The following LYPD8 variants were observed in gnomAD, a reference collection of about 807,000 sequenced individuals.
LYPD8 encodes LY6/PLAUR domain containing 8, also known as ly6/PLAUR domain-containing protein 8.
LYPD8 carries 8 observed loss-of-function variants against 1.7 expected under a neutral mutation model. The ratio of observed to expected loss-of-function variants is 4.58; its 90% confidence interval spans 2.69 to 8.27. LYPD8 has a LOEUF of 8.27. Among genes scored for constraint, LYPD8 ranks in the 30% most tolerant of loss-of-function variants. LYPD8 has a pLI of 0.00. For missense variants in LYPD8, 112 were observed against 102.3 expected, an observed-to-expected ratio of 1.09 and a Z score of -0.41; for synonymous variants, 50 against 43.6, an observed-to-expected ratio of 1.15 and a Z score of -0.58.
At position 248,744,082 on chromosome 1, in the gene LYPD8, T is replaced by G. The variant is rs187513164; in HGVS notation, c.475+1060A>C. On this transcript the variant is annotated intron_variant, in intron 6 of 6. Coordinates refer to ENST00000590317, the MANE Select transcript of LYPD8 (RefSeq NM_001085474.2). ...AAGTTCTTTGGGGTCCTCAATAATTTTTAAGACATAGAGTCTTAACAGAGG... is the reference window on the plus strand; with the variant it reads ...AAGTTCTTTGGGGTCCTCAATAATTGTTAAGACATAGAGTCTTAACAGAGG... Among the ~76,000 whole-genome samples the G allele has an allele frequency of 3.4e-4, 52 of 152,376 alleles. 1 individual carries two copies. The East Asian group carries it at 8.9e-3, about 26-fold the overall frequency.
intron 2 of LYPD8, among the ~76,000 whole-genome samples, chr1:248,753,568 CACACACCCCACACAACACACACA>C: frequency 3.8e-5 from 5 of 131,968 alleles, no homozygotes; most frequent in African/African-American, 1.2e-4. Flanking sequence ...ACACACACAA[CACACACCCCACACAACACACACA>C]ACACAACACA....
chr1:248,753,292 CCA>C (rs1193414869), intron 2 of LYPD8, among the ~76,000 whole-genome samples: 5 of 85,272 alleles, frequency 5.9e-5, no homozygotes, highest in South Asian at 4.1e-4. Context: ...CACACACACA[CCA>C]CACACACCAC....
At chr1:248,753,169 C>A (rs1275823223) in intron 2 of LYPD8, among the ~76,000 whole-genome samples, 2 of 125,204 alleles carry the variant, frequency 1.6e-5, no homozygotes, top group Non-Finnish European at 3.3e-5. Context: ...ACACCACACA[C>A]ACCACATCAC....
intron 2 of LYPD8, among the ~76,000 whole-genome samples, chr1:248,752,649 A>G (rs1372335334): frequency 3.3e-5 from 2 of 61,052 alleles, no homozygotes; most frequent in Non-Finnish European, 8.3e-5. Flanking sequence ...CACACAACAC[A>G]CAACACACAC....
chr1:248,740,360 G>A (rs577321596), intron 6 of LYPD8, among the ~76,000 whole-genome samples: 1 of 152,346 alleles, frequency 6.6e-6, no homozygotes, highest in Admixed American at 6.5e-5. Context: ...GGGCCACCAG[G>A]AGGCATATAA....
chr1:248,754,734 C>A (rs1219375135), intron 2 of LYPD8, among the ~76,000 whole-genome samples: 5 of 152,130 alleles, frequency 3.3e-5, no homozygotes, highest in Admixed American at 3.3e-4. Flanking sequence ...ATACATGATG[C>A]CAATGACCCC....
intron 6 of LYPD8, among the ~76,000 whole-genome samples, chr1:248,742,935 T>G (rs1465996098): frequency 1.8e-5 from 1 of 54,776 alleles, no homozygotes; most frequent in Non-Finnish European, 3.5e-5. Flanking sequence ...TATGCTCTGG[T>G]GGGGATGTTG....
Position 248,739,818 on chromosome 1 carries a change from G to A in LYPD8, c.507C>T (p.Gly169=). The A allele has an allele frequency of 6.4e-7, 1 of 1,551,762 alleles. No homozygotes were observed. The highest frequency in any genetic ancestry group is 8.7e-7 in the Non-Finnish European group (1 of 1,147,000). ...AGGTGGCGTTACTGACGTTGGAACA[G>A]CCTTTCAGCACGAGACTCTTAGACT... The part of the protein sequence containing the change: ...DIESKSLVLK[G]CSNVSNATCQ... Residue 169 remains glycine (G), a synonymous_variant, in exon 7 of 7, where the codon GGC becomes GGT. Transcript: ENST00000590317. The surrounding 1 kb of genome is among the most constrained non-coding windows in gnomAD (Gnocchi z 4.3).
intron 2 of LYPD8, among the ~76,000 whole-genome samples, chr1:248,754,125 C>A (rs961677031): frequency 2.4e-4 from 35 of 142,936 alleles, no homozygotes; most frequent in Non-Finnish European, 3.8e-4. Flanking sequence ...CACACATACA[C>A]CACACCACAC....
At chr1:248,753,958 A>T (rs1662883599) in intron 2 of LYPD8, among the ~76,000 whole-genome samples, 2 of 122,522 alleles carry the variant, frequency 1.6e-5, no homozygotes, top group Non-Finnish European at 3.5e-5. Context: ...CATGTCACAC[A>T]CATCACATGA....
chr1:248,753,186 A>T (rs1662852885), intron 2 of LYPD8, among the ~76,000 whole-genome samples: 1 of 82,156 alleles, frequency 1.2e-5, no homozygotes, highest in Non-Finnish European at 2.3e-5. Flanking sequence ...TCACACACAC[A>T]CACCACATCA....
chr1:248,745,876 C>T (rs1662720038), intron 5 of LYPD8, among the ~76,000 whole-genome samples: 1 of 152,194 alleles, frequency 6.6e-6, no homozygotes, highest in Non-Finnish European at 1.5e-5. Context: ...AGGTTCAAAC[C>T]ATACTCATGA....
chr1:248,754,268 C>T (rs1662889105), intron 2 of LYPD8, among the ~76,000 whole-genome samples: 1 of 151,202 alleles, frequency 6.6e-6, no homozygotes, highest in South Asian at 2.1e-4. Context: ...TCACACACAT[C>T]ACACACACAA....
intron 6 of LYPD8, among the ~76,000 whole-genome samples, chr1:248,740,473 CAT>C (rs1369897030): frequency 6.6e-6 from 1 of 152,244 alleles, no homozygotes; most frequent in Non-Finnish European, 1.5e-5. Context: ...GGACAAAAGA[CAT>C]AGTTACGATA....
At chr1:248,753,750 A>T (rs1662876961) in intron 2 of LYPD8, among the ~76,000 whole-genome samples, 1 of 146,100 alleles carries the variant, frequency 6.8e-6, no homozygotes, top group Non-Finnish European at 1.5e-5. Context: ...GCCCCCACAC[A>T]ACACATACAC....
In LYPD8 at chr1:248,739,546, C is replaced by T. The variant is rs1465622260; in HGVS notation, c.*65G>A. The stretch of plus-strand genomic sequence containing the variant: ...GCAGGGAAAGAGGGTGTCAGCACCG[C>T]AGGGGGTGCTCTGGACCTCAGAGAA... On this transcript the variant is annotated 3_prime_UTR_variant, in exon 7 of 7. Coordinates refer to ENST00000590317, the MANE Select transcript of LYPD8 (RefSeq NM_001085474.2). This position sits in a 1 kb window ranked among gnomAD's most constrained non-coding sequence, Gnocchi z 4.3. The T allele has an allele frequency of 1.3e-6, 2 of 1,546,132 alleles. No individual in the cohort carries two copies. Among genetic ancestry groups the T allele is most frequent in the East Asian group, 4.9e-5 (2 of 40,872 alleles).
At chr1:248,752,874 ACCCCACACAACACATACACACATCAC>A (rs1662837675) in intron 2 of LYPD8, among the ~76,000 whole-genome samples, 1 of 105,770 alleles carries the variant, frequency 9.5e-6, no homozygotes, top group Non-Finnish European at 1.8e-5. Context: ...CACACCACAC[ACCCCACACAACACATACACACATCAC>A]ACACACCCCA....
chr1:248,752,534 C>CCA (rs1398533577), intron 2 of LYPD8, among the ~76,000 whole-genome samples: 27 of 145,664 alleles, frequency 1.9e-4, no homozygotes, highest in Admixed American at 7.5e-4. Flanking sequence ...CACACACACA[C>CCA]CACACCACAC....
rs1043657934 is a variant in LYPD8 at position 248,752,500 on chromosome 1, A to C, written c.-49-1370T>G. On this transcript the variant is annotated intron_variant, in intron 2 of 6. Coordinates refer to ENST00000590317, the MANE Select transcript of LYPD8 (RefSeq NM_001085474.2). ...ACCACACACATGCACATCACCCCCCACACACACCAAACANCCCACACAACA... is the reference window on the plus strand; with the variant it reads ...ACCACACACATGCACATCACCCCCCCCACACACCAAACANCCCACACAACA... 6.7e-5 allele frequency among the ~76,000 whole-genome samples: 10 copies of C among 149,372 alleles called. No individual in the cohort carries two copies. In the East Asian group the frequency reaches 7.8e-4, roughly 12 times the overall value.
Sources: allele counts gnomAD v4.1 joint callset (sites outside exome capture counted in the v4.1 genomes callset), GRCh38; gene constraint gnomAD v4.1.1; non-coding constraint Gnocchi (gnomAD v3.1); transcripts MANE v1.5; gene names NCBI Gene and HGNC (gene_info 2026-07-23, HGNC 2026-07-21).